The following MEIS2 variants were observed in gnomAD, a reference collection of about 807,000 sequenced individuals.
MEIS2 encodes homeobox protein Meis2.
MEIS2 carries 9 observed loss-of-function variants against 58.6 expected under a neutral mutation model. The ratio of observed to expected loss-of-function variants is 0.15; its 90% CI spans 0.09 to 0.27. The LOEUF is 0.27. MEIS2 is among the 10% of genes least tolerant of loss of function. MEIS2 has a pLI of 1.00. For synonymous variants in MEIS2, 221 were observed against 228.4 expected (o/e 0.97, Z 0.29); for missense variants, 427 against 635.0 (o/e 0.67, Z 3.52).
chr15:36,912,053 G>A (rs2057053320), intron 9 of MEIS2, among the ~76,000 whole-genome samples: 1 of 66,312 alleles, frequency 1.5e-5, no homozygotes, highest in Non-Finnish European at 4.7e-5. Flanking sequence ...ATAAGCCCTA[G>A]GGGGGATAAA....
chr15:36,985,085 T>C (rs2060051949), intron 8 of MEIS2, among the ~76,000 whole-genome samples: 1 of 152,162 alleles, frequency 6.6e-6, no homozygotes, highest in Admixed American at 6.5e-5. Context: ...GTGATTTTTT[T>C]CCCTCTTATA....
chr15:37,034,894 C>CT (rs2062086891), intron 8 of MEIS2, among the ~76,000 whole-genome samples: 1 of 151,908 alleles, frequency 6.6e-6, no homozygotes, highest in African/African-American at 2.4e-5. Context: ...GCCCTTGTCT[C>CT]AGCTTGACCT....
At chr15:37,000,799 A>C (rs2060695337) in intron 8 of MEIS2, among the ~76,000 whole-genome samples, 1 of 152,162 alleles carries the variant, frequency 6.6e-6, no homozygotes, top group South Asian at 2.1e-4. Flanking sequence ...ATTCTTTAAA[A>C]GAAGAGAAGC....
intron 9 of MEIS2, among the ~76,000 whole-genome samples, chr15:36,935,165 C>T (rs2058116959): frequency 6.7e-6 from 1 of 149,886 alleles, no homozygotes; most frequent in Admixed American, 6.8e-5. Context: ...ATCTTTTTTC[C>T]AGATTGAGAA....
chr15:36,970,403 C>G (rs1211912626), intron 8 of MEIS2, among the ~76,000 whole-genome samples: 1 of 135,790 alleles, frequency 7.4e-6, no homozygotes, highest in African/African-American at 2.7e-5. Flanking sequence ...GACTCCGTCT[C>G]AAAAAAAAAA....
At position 36,890,438 on chromosome 15, in the gene MEIS2, T is replaced by TC. The variant is rs2055801845; in HGVS notation, c.*1734dup. On this transcript the variant is annotated 3_prime_UTR_variant, in exon 12 of 12. Coordinates refer to ENST00000561208, the MANE Select transcript of MEIS2 (RefSeq NM_170675.5). ...TAGTTATCAAATCATCACACTAGCA[T>TC]CCCTGCACATGGATGTGTCTGAAAT... 6.6e-6 allele frequency: 1 copy of TC among 152,264 alleles called. No individual in the cohort carries two copies. Among genetic ancestry groups the TC allele is most frequent in the South Asian group, 2.1e-4 (1 of 4,810 alleles). The allele number at this position is 152,264 out of a possible 1,614,324, so 9.4% of individuals were successfully genotyped here.
chr15:37,072,838 C>G lies in MEIS2; in HGVS notation c.754+10933G>C, dbSNP rs567859907. On this transcript the variant is annotated intron_variant, in intron 7 of 11. Coordinates refer to ENST00000561208, the MANE Select transcript of MEIS2 (RefSeq NM_170675.5). Reference sequence around the variant, plus strand: ...TAATATCCCTCCCCCCTTCCCCCACCATCAAAATCTTTTAAAACCTTCCGA... The same window carrying G: ...TAATATCCCTCCCCCCTTCCCCCACGATCAAAATCTTTTAAAACCTTCCGA... Among the ~76,000 whole-genome samples, 6 of 152,156 alleles carry G rather than the reference C, an allele frequency of 3.9e-5. No individual in the cohort carries two copies. The East Asian group carries it at 1.2e-3, about 29-fold the overall frequency.
At position 37,063,235 on chromosome 15, in the gene MEIS2, T is replaced by A. The variant is rs548857261; in HGVS notation, c.754+20536A>T. On this transcript the variant is annotated intron_variant, in intron 7 of 11. Coordinates refer to ENST00000561208, the MANE Select transcript of MEIS2 (RefSeq NM_170675.5). ...TTTTAGAGATAAGGTCTCACTATGT[T>A]GCTCAGGGTGGACGCAAACTTCTGG... 3.3e-5 allele frequency among the ~76,000 whole-genome samples: 5 copies of A among 152,322 alleles called. No homozygotes were observed. The East Asian group carries it at 9.6e-4, about 29-fold the overall frequency.
At chr15:36,894,702 C>A in intron 11 of MEIS2, 1 of 1,579,398 alleles carries the variant, frequency 6.3e-7, no homozygotes, top group East Asian at 2.2e-5. Context: ...ACAGATCGCA[C>A]CCGACTGTAC....
intron 8 of MEIS2, among the ~76,000 whole-genome samples, chr15:36,964,507 T>C (rs1195024761): frequency 1.3e-5 from 2 of 152,218 alleles, no homozygotes; most frequent in East Asian, 1.9e-4. Context: ...AAATTCTGCA[T>C]GTTACAGATT....
chr15:36,955,977 CCCA>C (rs1458276777), intron 8 of MEIS2, among the ~76,000 whole-genome samples: 1 of 143,778 alleles, frequency 7.0e-6, no homozygotes, highest in Non-Finnish European at 1.5e-5. Context: ...GGAGATCGAG[CCCA>C]TCCTGGCTAA....
chr15:37,035,138 G>C (rs1184846605), intron 8 of MEIS2, among the ~76,000 whole-genome samples: 4 of 152,202 alleles, frequency 2.6e-5, no homozygotes, highest in African/African-American at 9.6e-5. Context: ...TCAGGAGAAG[G>C]CAGCTGGCCT....
rs556357220 is a variant in MEIS2 at position 37,075,660 on chromosome 15, A to T, written c.754+8111T>A. On this transcript the variant is annotated intron_variant, in intron 7 of 11. Coordinates refer to ENST00000561208, the MANE Select transcript of MEIS2 (RefSeq NM_170675.5). Reference sequence around the variant, plus strand: ...GATAATCGAAGAAGTGATAATCTGCACCTTGGAAAAGCAGGGAGAGAGAGA... The same window carrying T: ...GATAATCGAAGAAGTGATAATCTGCTCCTTGGAAAAGCAGGGAGAGAGAGA... 2.0e-5 allele frequency among the ~76,000 whole-genome samples: 3 copies of T among 152,176 alleles called. No individual in the cohort carries two copies. The South Asian group carries it at 6.2e-4, about 32-fold the overall frequency.
At chr15:37,001,030 T>G (rs1319758701) in intron 8 of MEIS2, among the ~76,000 whole-genome samples, 1 of 152,194 alleles carries the variant, frequency 6.6e-6, no homozygotes, top group Admixed American at 6.5e-5. Context: ...ATTTTCTCCC[T>G]TTGGTCCCCT....
At chr15:36,991,728 TTAATC>T (rs1419643651) in intron 8 of MEIS2, among the ~76,000 whole-genome samples, 16 of 150,834 alleles carry the variant, frequency 1.1e-4, no homozygotes, top group South Asian at 4.2e-4. Context: ...GCTACACTCT[TTAATC>T]TAAGATGATT....
intron 8 of MEIS2, among the ~76,000 whole-genome samples, chr15:37,018,770 T>C (rs968950581): frequency 2.6e-5 from 4 of 152,218 alleles, no homozygotes; most frequent in Non-Finnish European, 1.5e-5. Context: ...AAGATGATTA[T>C]AATTTGATAA....
chr15:37,053,322 T>A (rs1484284919), intron 7 of MEIS2, among the ~76,000 whole-genome samples: 1 of 152,110 alleles, frequency 6.6e-6, no homozygotes, highest in African/African-American at 2.4e-5. Context: ...CTTGAGAAGA[T>A]AACAAATTAA....
chr15:37,076,536 T>A (rs1423976866), intron 7 of MEIS2, among the ~76,000 whole-genome samples: 1 of 152,016 alleles, frequency 6.6e-6, no homozygotes, highest in East Asian at 1.9e-4. Flanking sequence ...GGACCCTCAC[T>A]TCCCCTCCCT....
intron 9 of MEIS2, among the ~76,000 whole-genome samples, chr15:36,913,693 G>T (rs2057145333): frequency 6.6e-6 from 1 of 151,812 alleles, no homozygotes; most frequent in African/African-American, 2.4e-5. Context: ...AATGTGTCTT[G>T]TGACCTTAAA....
Sources: gnomAD v4.1 joint callset for allele counts (sites outside exome capture counted in the v4.1 genomes callset) on GRCh38, gnomAD v4.1.1 for gene constraint, MANE v1.5 for transcripts, NCBI Gene and HGNC (gene_info 2026-07-23, HGNC 2026-07-21) for gene names.